The following SS18 variants were observed in gnomAD, a reference collection of about 807,000 sequenced individuals.
SS18 encodes the protein protein SSXT.
A neutral mutation model predicts 72.5 loss-of-function variants in SS18; 28 were observed. That is an observed-to-expected ratio of 0.39 (90% CI 0.29 to 0.53). The LOEUF (loss-of-function observed/expected upper bound fraction) is 0.53, where lower values mean the gene tolerates loss of function less well. SS18 is among the 20% of genes least tolerant of loss of function. The pLI, the probability that SS18 is intolerant of heterozygous loss-of-function variation, is 0.76. For synonymous variants in SS18, 172 were observed against 164.2 expected, an observed-to-expected ratio of 1.05 and a Z score of -0.37; for missense variants, 518 against 535.3, an observed-to-expected ratio of 0.97 and a Z score of 0.32.
At chr18:26,065,205 T>G (rs950184774) in intron 3 of SS18, among the ~76,000 whole-genome samples, 1 of 152,150 alleles carries the variant, frequency 6.6e-6, no homozygotes, top group Non-Finnish European at 1.5e-5. Flanking sequence ...TTCCACAGAC[T>G]TTTTGCAGAC....
chr18:26,090,332 C>T (rs1006447997), intron 1 of SS18, among the ~76,000 whole-genome samples, 169 bp downstream of exon 1: 3 of 152,224 alleles, frequency 2.0e-5, no homozygotes, highest in Non-Finnish European at 2.9e-5. Flanking sequence ...TCACCCTCTT[C>T]CGCCACCCAC....
chr18:26,030,791 GA>G (rs1260155241), intron 10 of SS18, among the ~76,000 whole-genome samples: 4 of 148,598 alleles, frequency 2.7e-5, no homozygotes, highest in African/African-American at 7.4e-5. Context: ...TCAGAGGCTA[GA>G]AAAAAAAATA....
At position 26,057,784 on chromosome 18, in the gene SS18, T is replaced by C. The variant is rs746228167; in HGVS notation, c.232-42A>G. The C allele has an allele frequency of 3.9e-6, 6 of 1,546,454 alleles. No individual in the cohort carries two copies. The African/African-American group carries it at 8.3e-5, about 21-fold the overall frequency. ...TAGTAAAACAAGAGAAACAGACTAATATACGAAAGATGCATAGGGTAAAAG... is the reference window on the plus strand; with the variant it reads ...TAGTAAAACAAGAGAAACAGACTAACATACGAAAGATGCATAGGGTAAAAG... On this transcript the variant is annotated intron_variant, in intron 3 of 10. Transcript: ENST00000415083.
intron 2 of SS18, among the ~76,000 whole-genome samples, chr18:26,086,310 G>C (rs754218622): frequency 2.6e-5 from 4 of 152,114 alleles, no homozygotes; most frequent in Admixed American, 6.5e-5. Flanking sequence ...TTCTACAGCT[G>C]TGTTGACCAA....
chr18:26,070,789 C>A (rs1164045436), intron 3 of SS18, among the ~76,000 whole-genome samples: 1 of 152,140 alleles, frequency 6.6e-6, no homozygotes. Flanking sequence ...CCACCCCATT[C>A]AACTGAAATG....
chr18:26,051,454 A>AT (rs2053922769), intron 5 of SS18, among the ~76,000 whole-genome samples: 1 of 152,126 alleles, frequency 6.6e-6, no homozygotes, highest in Non-Finnish European at 1.5e-5. Flanking sequence ...AGCAACATCC[A>AT]TTTTTTGTGC....
At chr18:26,029,553 G>C (rs751064547) in intron 10 of SS18, among the ~76,000 whole-genome samples, 1 of 152,186 alleles carries the variant, frequency 6.6e-6, no homozygotes, top group Non-Finnish European at 1.5e-5. Flanking sequence ...TTGGATGTCT[G>C]CTTTGCAAAG....
At chr18:26,055,020 T>A (rs949394638) in intron 4 of SS18, among the ~76,000 whole-genome samples, 14 of 151,922 alleles carry the variant, frequency 9.2e-5, no homozygotes, top group African/African-American at 3.4e-4. Flanking sequence ...ATTACAGGCT[T>A]GAGCCACCAT....
At chr18:26,064,871 C>A (rs1451091346) in intron 3 of SS18, 1 of 151,854 alleles carries the variant, frequency 6.6e-6, no homozygotes, top group African/African-American at 2.4e-5. Context: ...CCCAAGAGAA[C>A]CTATAATAAA....
intron 3 of SS18, among the ~76,000 whole-genome samples, chr18:26,061,064 A>G (rs1276828410): frequency 6.6e-6 from 1 of 152,210 alleles, no homozygotes; most frequent in Non-Finnish European, 1.5e-5. Flanking sequence ...CTGTAATCCC[A>G]GCACTTTGGG....
At chr18:26,041,637 C>A (rs1291435177) in intron 5 of SS18, among the ~76,000 whole-genome samples, 1 of 152,032 alleles carries the variant, frequency 6.6e-6, no homozygotes, top group East Asian at 1.9e-4. Flanking sequence ...AAGGTTTTGC[C>A]TTTTCTTCTC....
intron 5 of SS18, among the ~76,000 whole-genome samples, chr18:26,044,247 T>C (rs1262874731): frequency 6.6e-6 from 1 of 152,216 alleles, no homozygotes; most frequent in Non-Finnish European, 1.5e-5. Context: ...TATACTTAAG[T>C]GAATTTGCCT....
chr18:26,085,950 T>C (rs1332967202), intron 2 of SS18: 1 of 152,050 alleles, frequency 6.6e-6, no homozygotes, highest in East Asian at 1.9e-4. Context: ...GAAAGACAGA[T>C]GCATCCCAAA....
At chr18:26,089,407 C>T (rs897475580) in intron 1 of SS18, among the ~76,000 whole-genome samples, 10 of 152,174 alleles carry the variant, frequency 6.6e-5, no homozygotes, top group African/African-American at 2.4e-4. Context: ...AATAAAGCAA[C>T]AGTTGGGCAA....
At chr18:26,046,548 CCTT>C (rs954188332) in intron 5 of SS18, among the ~76,000 whole-genome samples, 1 of 152,180 alleles carries the variant, frequency 6.6e-6, no homozygotes, top group African/African-American at 2.4e-5. Context: ...AATGAGTTCT[CCTT>C]CTTTAAGCAC....
intron 5 of SS18, among the ~76,000 whole-genome samples, chr18:26,045,390 C>T (rs1384662580): frequency 2.0e-5 from 3 of 152,110 alleles, no homozygotes; most frequent in Non-Finnish European, 2.9e-5. Flanking sequence ...TCCAGTTCGA[C>T]GGGTCTCCTT....
chr18:26,078,900 A>C (rs1434269831), intron 2 of SS18: 1 of 152,416 alleles, frequency 6.6e-6, no homozygotes, highest in Non-Finnish European at 1.5e-5. Context: ...AAGAAAAAAA[A>C]GAAATATGCT....
chr18:26,061,564 C>T (rs2144043801), intron 3 of SS18, among the ~76,000 whole-genome samples: 1 of 151,872 alleles, frequency 6.6e-6, no homozygotes, highest in East Asian at 1.9e-4. Context: ...AGACATATCA[C>T]CTGGAAGGGA....
At chr18:26,072,904 GAACA>G (rs747376847) in intron 3 of SS18, among the ~76,000 whole-genome samples, 36 of 147,356 alleles carry the variant, frequency 2.4e-4, no homozygotes, top group Non-Finnish European at 4.3e-4. Context: ...GTAATCGATA[GAACA>G]AACAAACAAA....
Sources: gnomAD v4.1 joint callset for allele counts (sites outside exome capture counted in the v4.1 genomes callset) on GRCh38, gnomAD v4.1.1 for gene constraint, MANE v1.5 for transcripts, NCBI Gene and HGNC (gene_info 2026-07-23, HGNC 2026-07-21) for gene names.